Variants in SRPK2 observed in about 807,000 individuals in gnomAD.
The protein encoded by SRPK2 is SFRS protein kinase 2.
A neutral mutation model predicts 90.8 loss-of-function variants in SRPK2; 21 were observed. The ratio of observed to expected loss-of-function variants is 0.23; its 90% CI spans 0.16 to 0.33. SRPK2 has a LOEUF of 0.33. SRPK2 is among the 10% of genes least tolerant of loss of function. The pLI is 1.00. For synonymous variants in SRPK2, 288 were observed against 311.1 expected, an observed-to-expected ratio of 0.93 and a Z score of 0.78; for missense variants, 620 against 869.0, an observed-to-expected ratio of 0.71 and a Z score of 3.60.
intron 6 of SRPK2, among the ~76,000 whole-genome samples, chr7:105,163,438 G>A (rs935861042): frequency 1.4e-4 from 21 of 152,218 alleles, no homozygotes; most frequent in Admixed American, 1.2e-3. Flanking sequence ...GTTTTAAGAA[G>A]GGATGAGATA....
intron 2 of SRPK2, among the ~76,000 whole-genome samples, chr7:105,250,501 C>T (rs1802340327): frequency 6.6e-6 from 1 of 152,088 alleles, no homozygotes; most frequent in South Asian, 2.1e-4. Context: ...TGTAATTTCA[C>T]ATTTGGAGAT....
At chr7:105,224,374 C>T (rs1798461749) in intron 2 of SRPK2, among the ~76,000 whole-genome samples, 1 of 152,068 alleles carries the variant, frequency 6.6e-6, no homozygotes, top group African/African-American at 2.4e-5. Flanking sequence ...CTTTGGGACT[C>T]TGAGGCGGGC....
chr7:105,159,710 G>C (rs558439234), intron 7 of SRPK2, among the ~76,000 whole-genome samples: 2 of 152,234 alleles, frequency 1.3e-5, no homozygotes, highest in South Asian at 4.1e-4. Flanking sequence ...GTTTACTAGA[G>C]CATCATCTCT....
chr7:105,341,784 T>C (rs567814759), intron 2 of SRPK2, among the ~76,000 whole-genome samples: 2 of 151,852 alleles, frequency 1.3e-5, no homozygotes, highest in African/African-American at 4.8e-5. Context: ...CTGGCCAACA[T>C]GGTAAAACCC....
intron 2 of SRPK2, among the ~76,000 whole-genome samples, chr7:105,286,908 G>C (rs1808175527): frequency 6.6e-6 from 1 of 152,194 alleles, no homozygotes; most frequent in Non-Finnish European, 1.5e-5. Flanking sequence ...GCAACAGCAA[G>C]TAATGAATAG....
intron 2 of SRPK2, among the ~76,000 whole-genome samples, chr7:105,344,712 C>T (rs1313794689): frequency 6.6e-6 from 1 of 151,894 alleles, no homozygotes; most frequent in Non-Finnish European, 1.5e-5. Flanking sequence ...ACTATACAAC[C>T]CTTCCACTAT....
At chr7:105,208,762 T>C (rs1796505737) in intron 2 of SRPK2, among the ~76,000 whole-genome samples, 1 of 152,158 alleles carries the variant, frequency 6.6e-6, no homozygotes, top group African/African-American at 2.4e-5. Context: ...TAAAAAACAC[T>C]AAAATATATA....
intron 2 of SRPK2, among the ~76,000 whole-genome samples, chr7:105,265,556 C>T (rs1381706682): frequency 6.6e-6 from 1 of 152,096 alleles, no homozygotes. Flanking sequence ...ACGCACATTA[C>T]CCCATAAATC....
intron 2 of SRPK2, among the ~76,000 whole-genome samples, chr7:105,278,049 C>A (rs1250673767): frequency 5.3e-5 from 8 of 152,164 alleles, no homozygotes; most frequent in African/African-American, 1.7e-4. Context: ...CGCGGTGGGG[C>A]TCATGCCTGC....
chr7:105,374,665 C>T (rs963351673), intron 2 of SRPK2, among the ~76,000 whole-genome samples: 48 of 152,250 alleles, frequency 3.2e-4, no homozygotes, highest in Non-Finnish European at 4.3e-4. Context: ...AGTGCAATGG[C>T]GCCATCTCTG....
At chr7:105,185,707 ATTT>A in intron 3 of SRPK2, among the ~76,000 whole-genome samples, 1 of 152,206 alleles carries the variant, frequency 6.6e-6, no homozygotes. Context: ...AACAAAACTG[ATTT>A]TTGAGCCTCA....
upstream of SRPK2, among the ~76,000 whole-genome samples, chr7:105,394,148 T>TCTTTC (rs1295819270): frequency 1.6e-3 from 234 of 149,764 alleles, 1 homozygote; most frequent in African/African-American, 5.5e-3. Flanking sequence ...TTTCTTTCTT[T>TCTTTC]TTTTTTTTTT....
rs892487360 is a variant in SRPK2, at chr7:105,142,286, G to A, written c.1265C>T (p.Pro422Leu). ...EDDDEEDCPN[P>L]EEYNLDEPNA... ...TGGCTCATCAAGATTATATTCCTCAGGATTTGGGCAGTCTTCTTCATCATC... is the reference window on the plus strand; with the variant it reads ...TGGCTCATCAAGATTATATTCCTCAAGATTTGGGCAGTCTTCTTCATCATC... Residue 422 changes from proline (P) to leucine (L), a missense_variant, in exon 11 of 16, where the codon CCT becomes CTT. Transcript: ENST00000393651. The A allele has an allele frequency of 2.5e-6, 4 of 1,614,008 alleles. No homozygotes were observed. Among genetic ancestry groups the A allele is most frequent in the African/African-American group, 2.7e-5 (2 of 74,900 alleles).
intron 3 of SRPK2, among the ~76,000 whole-genome samples, chr7:105,195,168 G>A (rs968761034): frequency 2.6e-5 from 4 of 152,102 alleles, no homozygotes; most frequent in Non-Finnish European, 5.9e-5. Context: ...TCCTGCCTCC[G>A]CCTCCCGAGG....
At chr7:105,397,104 G>A (rs540610981) in intron 1 of SRPK2, among the ~76,000 whole-genome samples, 26 of 152,022 alleles carry the variant, frequency 1.7e-4, no homozygotes, top group South Asian at 8.3e-4. Flanking sequence ...TACAACTTCC[G>A]CCTCATGGGT....
intron 2 of SRPK2, among the ~76,000 whole-genome samples, chr7:105,243,432 G>A (rs1801089119): frequency 6.6e-6 from 1 of 152,122 alleles, no homozygotes; most frequent in African/African-American, 2.4e-5. Flanking sequence ...AACACTTTGG[G>A]AGGACAATGC....
chr7:105,206,021 A>G, intron 2 of SRPK2: 1 of 518,956 alleles, frequency 1.9e-6, no homozygotes, highest in Non-Finnish European at 3.8e-6. Context: ...GCACGGCACT[A>G]CTGTACTTAG....
intron 2 of SRPK2, among the ~76,000 whole-genome samples, chr7:105,221,136 G>C (rs552771926): frequency 6.6e-6 from 1 of 152,196 alleles, no homozygotes; most frequent in Admixed American, 6.5e-5. Context: ...CTCAACTCAC[G>C]ATGAGGAATA....
chr7:105,343,921 C>A (rs1034457799), intron 2 of SRPK2, among the ~76,000 whole-genome samples: 3 of 152,106 alleles, frequency 2.0e-5, no homozygotes, highest in Non-Finnish European at 2.9e-5. Flanking sequence ...CGCCACCACA[C>A]CCGGCTAATT....
Sources: gnomAD v4.1 joint callset for allele counts (sites outside exome capture counted in the v4.1 genomes callset) on GRCh38, gnomAD v4.1.1 for gene constraint, MANE v1.5 for transcripts, NCBI Gene and HGNC (gene_info 2026-07-23, HGNC 2026-07-21) for gene names.